Variants in FAM78B observed in about 807,000 individuals in gnomAD.
The protein encoded by FAM78B is protein FAM78B.
FAM78B carries 10 observed loss-of-function variants against 20.0 expected under a neutral mutation model. The ratio of observed to expected loss-of-function variants is 0.50; its 90% CI spans 0.31 to 0.85. FAM78B has a LOEUF of 0.85. FAM78B is among the 40% of genes least tolerant of loss of function. The probability of loss-of-function intolerance (pLI) is 0.05; values close to 1 mark genes in which losing one functional copy is unlikely to be tolerated. For missense variants in FAM78B, 283 were observed against 345.0 expected (o/e 0.82, Z 1.42); for synonymous variants, 135 against 132.8 (o/e 1.02, Z -0.12).
intron 1 of FAM78B, chr1:166,081,041 C>T (rs528601205): frequency 1.1e-4 from 16 of 152,322 alleles, no homozygotes; most frequent in African/African-American, 1.9e-4. Context: ...TTCCTCATTC[C>T]GCACTGTTTA....
At chr1:166,065,426 A>T (rs1651759806), downstream of FAM78B, among the ~76,000 whole-genome samples, 1 of 152,278 alleles carries the variant, frequency 6.6e-6, no homozygotes, top group Non-Finnish European at 1.5e-5. Flanking sequence ...CATACTAATC[A>T]GATGGGTGTT....
chr1:166,136,359 G>A (rs1277885843), intron 1 of FAM78B, among the ~76,000 whole-genome samples: 2 of 152,188 alleles, frequency 1.3e-5, no homozygotes, highest in Non-Finnish European at 2.9e-5. Context: ...GAAAGCCTGA[G>A]CCTGCAGGGA....
At chr1:166,099,706 T>A (rs1263252157) in intron 1 of FAM78B, among the ~76,000 whole-genome samples, 1 of 152,140 alleles carries the variant, frequency 6.6e-6, no homozygotes, top group Non-Finnish European at 1.5e-5. Flanking sequence ...GTAAAAGGCC[T>A]CGTCCAAAAG....
chr1:166,109,403 A>G (rs954984648), intron 1 of FAM78B, among the ~76,000 whole-genome samples: 2 of 152,194 alleles, frequency 1.3e-5, no homozygotes, highest in Non-Finnish European at 2.9e-5. Context: ...CAAACATATC[A>G]AAAAATGCTC....
intron 1 of FAM78B, among the ~76,000 whole-genome samples, chr1:166,073,796 A>G (rs1652151558): frequency 6.6e-6 from 1 of 152,172 alleles, no homozygotes. Context: ...GTCTCTCTGC[A>G]AGGGGTGGCC....
At chr1:166,107,380 C>T (rs1388956274) in intron 1 of FAM78B, among the ~76,000 whole-genome samples, 1 of 151,982 alleles carries the variant, frequency 6.6e-6, no homozygotes, top group African/African-American at 2.4e-5. Context: ...TACCTTTGTG[C>T]ACATAAACTA....
intron 1 of FAM78B, among the ~76,000 whole-genome samples, chr1:166,094,007 G>GTGTGTGTGTGTGTGTGTGTGTGTGTGTC: frequency 7.2e-6 from 1 of 139,300 alleles, no homozygotes; most frequent in Non-Finnish European, 1.5e-5. Context: ...GAATGACTGT[G>GTGTGTGTGTGTGTGTGTGTGTGTGTGTC]TGTGTGTGTG....
chr1:166,068,341 C>CAGCTG (rs1255840392), downstream of FAM78B, among the ~76,000 whole-genome samples: 1 of 152,208 alleles, frequency 6.6e-6, no homozygotes, highest in African/African-American at 2.4e-5. Context: ...CCAAACATAA[C>CAGCTG]AGCTGAATTA....
chr1:166,099,444 G>A (rs1157151130), intron 1 of FAM78B, among the ~76,000 whole-genome samples: 1 of 152,140 alleles, frequency 6.6e-6, no homozygotes. Flanking sequence ...GAACGTAAAT[G>A]GTCTAAATGC....
chr1:166,146,386 T>C (rs1267689594), intron 1 of FAM78B, among the ~76,000 whole-genome samples: 1 of 152,232 alleles, frequency 6.6e-6, no homozygotes. Context: ...TCATACCAAG[T>C]ACAGTGCTTG....
At chr1:166,142,770 C>G (rs1320983848) in intron 1 of FAM78B, among the ~76,000 whole-genome samples, 1 of 152,130 alleles carries the variant, frequency 6.6e-6, no homozygotes, top group East Asian at 1.9e-4. Context: ...GGTAATGGGT[C>G]GTAAAAAGTG....
intron 1 of FAM78B, among the ~76,000 whole-genome samples, chr1:166,153,034 C>G (rs1655744935): frequency 6.6e-6 from 1 of 152,100 alleles, no homozygotes; most frequent in African/African-American, 2.4e-5. Context: ...AGCTGAGTTG[C>G]CCCTTTAGAT....
At chr1:166,089,081 C>A (rs941746743) in intron 1 of FAM78B, among the ~76,000 whole-genome samples, 3 of 152,174 alleles carry the variant, frequency 2.0e-5, no homozygotes, top group African/African-American at 4.8e-5. Flanking sequence ...GTACTTTTTC[C>A]CACTGCTCCC....
At chr1:166,069,111 T>C (rs1453872028), downstream of FAM78B, among the ~76,000 whole-genome samples, 1 of 152,200 alleles carries the variant, frequency 6.6e-6, no homozygotes, top group Admixed American at 6.5e-5. Context: ...AGAGCTAAAA[T>C]AAATATATAT....
chr1:166,063,093 G>A (rs1651667622), intron 2 of FAM78B, among the ~76,000 whole-genome samples: 1 of 152,226 alleles, frequency 6.6e-6, no homozygotes, highest in South Asian at 2.1e-4. Context: ...ACTGGCTGAT[G>A]CACTGGATAG....
intron 1 of FAM78B, among the ~76,000 whole-genome samples, chr1:166,079,788 T>A (rs556760057): frequency 6.6e-6 from 1 of 152,210 alleles, no homozygotes; most frequent in Non-Finnish European, 1.5e-5. Context: ...CTATAACTTA[T>A]AAATACTGAG....
intron 1 of FAM78B, among the ~76,000 whole-genome samples, chr1:166,124,149 A>AC (rs1654560105): frequency 6.6e-6 from 1 of 152,182 alleles, no homozygotes; most frequent in Non-Finnish European, 1.5e-5. Flanking sequence ...AGTCTGCTTT[A>AC]TGCTTCTATG....
Position 166,166,845 on chromosome 1 carries a change from T to A in FAM78B, c.-597A>T, listed in dbSNP as rs989907192. Reference sequence around the variant, plus strand: ...CAGCGGCGGCGGCGGCGACCGGAGCTCCCGCCGGCCCCGCCCCGTAGCCGG... The same window carrying A: ...CAGCGGCGGCGGCGGCGACCGGAGCACCCGCCGGCCCCGCCCCGTAGCCGG... On this transcript the variant is annotated 5_prime_UTR_variant, in exon 1 of 2. Transcript: ENST00000354422. 1 of 149,920 alleles carries A rather than the reference T, an allele frequency of 6.7e-6. No individual in the cohort carries two copies. The highest frequency in any genetic ancestry group is 2.5e-5 in the African/African-American group (1 of 40,646). 9.3% of individuals were successfully genotyped at this position (149,920 alleles called of 1,614,324 possible). A position where few individuals can be genotyped will look rare whatever the true frequency, so the allele number is the denominator to read the frequency against.
intron 1 of FAM78B, among the ~76,000 whole-genome samples, chr1:166,076,030 G>A (rs12125233): frequency 0.23 from 34,529 of 152,130 alleles, 4,074 homozygotes; most frequent in Non-Finnish European, 0.25. Flanking sequence ...CCATGACACC[G>A]GTCCAAGCTA....
Sources: gnomAD v4.1 joint callset for allele counts (sites outside exome capture counted in the v4.1 genomes callset) on GRCh38, gnomAD v4.1.1 for gene constraint, MANE v1.5 for transcripts, NCBI Gene and HGNC (gene_info 2026-07-23, HGNC 2026-07-21) for gene names.